The following CSNK2A2IP variants were observed in gnomAD, a reference collection of about 807,000 sequenced individuals.
The protein encoded by CSNK2A2IP is casein kinase II subunit alpha'-interacting protein.
chr3:88,465,024 A>G, the CSNK2A2IP span: 1 of 181,074 alleles, frequency 5.5e-6, no homozygotes, highest in Non-Finnish European at 1.1e-5. Context: ...ACAAGAAAGT[A>G]CTTAAGAAAA....
chr3:88,435,112 G>GT, the CSNK2A2IP span, among the ~76,000 whole-genome samples: 2 of 152,136 alleles, frequency 1.3e-5, no homozygotes, highest in Non-Finnish European at 2.9e-5. Flanking sequence ...AGGTTCTGTT[G>GT]TTTGCCTGCA....
chr3:88,400,129 C>G, the CSNK2A2IP span, among the ~76,000 whole-genome samples: 1 of 152,104 alleles, frequency 6.6e-6, no homozygotes, highest in African/African-American at 2.4e-5. Context: ...CTAGAGAAGT[C>G]TTGAGTGAGA....
the CSNK2A2IP span, among the ~76,000 whole-genome samples, chr3:88,459,473 T>C: frequency 6.6e-6 from 1 of 152,120 alleles, no homozygotes; most frequent in Non-Finnish European, 1.5e-5. Flanking sequence ...AGGGTTTTAA[T>C]AATATAATAT....
the CSNK2A2IP span, among the ~76,000 whole-genome samples, chr3:88,408,642 G>A: frequency 6.6e-5 from 10 of 152,040 alleles, no homozygotes; most frequent in Middle Eastern, 3.4e-3. Flanking sequence ...CCCATATAGC[G>A]TGGAGCAGTA....
At chr3:88,387,545 T>A in the CSNK2A2IP span, among the ~76,000 whole-genome samples, 1 of 152,324 alleles carries the variant, frequency 6.6e-6, no homozygotes, top group African/African-American at 2.4e-5. Context: ...ATACCATATT[T>A]TTTATGGTAG....
chr3:88,341,506 T>A, the CSNK2A2IP span, among the ~76,000 whole-genome samples: 1 of 151,846 alleles, frequency 6.6e-6, no homozygotes, highest in Admixed American at 6.6e-5. Context: ...TTTCCTCATC[T>A]GTAAGATGGA....
chr3:88,432,192 T>C, the CSNK2A2IP span, among the ~76,000 whole-genome samples: 1 of 151,914 alleles, frequency 6.6e-6, no homozygotes, highest in Non-Finnish European at 1.5e-5. Flanking sequence ...AAGTATATAT[T>C]AGTAACACCT....
chr3:88,465,807 A>G, the CSNK2A2IP span: 1 of 1,231,584 alleles, frequency 8.1e-7, no homozygotes, highest in Admixed American at 4.2e-5. Context: ...CCCTGAGTTT[A>G]CAATTACCCT....
At chr3:88,460,134 A>G in the CSNK2A2IP span, among the ~76,000 whole-genome samples, 1 of 152,170 alleles carries the variant, frequency 6.6e-6, no homozygotes, top group Non-Finnish European at 1.5e-5. Flanking sequence ...ACTCAATTAT[A>G]AAAATAATTT....
At chr3:88,375,497 G>T in the CSNK2A2IP span, among the ~76,000 whole-genome samples, 1 of 151,666 alleles carries the variant, frequency 6.6e-6, no homozygotes, top group Non-Finnish European at 1.5e-5. Flanking sequence ...GTTGGGTTAA[G>T]ATTTGTGATA....
chr3:88,355,047 A>G, the CSNK2A2IP span, among the ~76,000 whole-genome samples: 1 of 152,144 alleles, frequency 6.6e-6, no homozygotes, highest in Non-Finnish European at 1.5e-5. Flanking sequence ...TGAGCAGGGC[A>G]TGATCAACCC....
At chr3:88,360,665 A>G in the CSNK2A2IP span, among the ~76,000 whole-genome samples, 1 of 152,064 alleles carries the variant, frequency 6.6e-6, no homozygotes, top group African/African-American at 2.4e-5. Context: ...AATTTAGTTC[A>G]ATTTATATTC....
chr3:88,460,399 T>C, the CSNK2A2IP span, among the ~76,000 whole-genome samples: 1 of 152,204 alleles, frequency 6.6e-6, no homozygotes. Flanking sequence ...TATTCCTCTT[T>C]ATATGATAGC....
the CSNK2A2IP span, among the ~76,000 whole-genome samples, chr3:88,347,241 A>G: frequency 6.6e-6 from 1 of 152,042 alleles, no homozygotes; most frequent in Non-Finnish European, 1.5e-5. Context: ...TGAAAGGACA[A>G]TGAAGGATTT....
At chr3:88,397,784 C>G in the CSNK2A2IP span, among the ~76,000 whole-genome samples, 1 of 150,662 alleles carries the variant, frequency 6.6e-6, no homozygotes, top group Non-Finnish European at 1.5e-5. Context: ...TTCAAAATAA[C>G]ATCACAGTTT....
At chr3:88,390,305 G>A in the CSNK2A2IP span, among the ~76,000 whole-genome samples, 1,086 of 152,220 alleles carry the variant, frequency 7.1e-3, 7 homozygotes, top group Non-Finnish European at 0.011. Flanking sequence ...TAAGCATTTT[G>A]GTAAAGGTTA....
the CSNK2A2IP span, chr3:88,466,831 G>A: frequency 9.2e-6 from 9 of 982,118 alleles, no homozygotes; most frequent in Non-Finnish European, 1.2e-5. Context: ...CCATCTTAGA[G>A]GAAAGAAAAA....
At chr3:88,438,871 G>C in the CSNK2A2IP span, among the ~76,000 whole-genome samples, 1 of 152,016 alleles carries the variant, frequency 6.6e-6, no homozygotes, top group Non-Finnish European at 1.5e-5. Flanking sequence ...TGATGGGTGG[G>C]GAAAGATACC....
the CSNK2A2IP span, among the ~76,000 whole-genome samples, chr3:88,439,666 A>G: frequency 6.7e-6 from 1 of 148,566 alleles, no homozygotes; most frequent in Non-Finnish European, 1.5e-5. Context: ...TGCTTGAACC[A>G]GGGAGTCGGA....
Sources: gnomAD v4.1 joint callset for allele counts (sites outside exome capture counted in the v4.1 genomes callset) on GRCh38, gnomAD v4.1.1 for gene constraint, MANE v1.5 for transcripts, NCBI Gene and HGNC (gene_info 2026-07-23, HGNC 2026-07-21) for gene names.